The following RGS6 variants were observed in gnomAD, a reference collection of about 807,000 sequenced individuals.
RGS6 encodes the protein regulator of G protein signaling 6.
In RGS6, 30 loss-of-function variants were observed where a neutral mutation model predicts 78.5. The observed-to-expected ratio is 0.38, with a 90% CI of 0.29 to 0.52. The LOEUF is 0.52. RGS6 is among the 20% of genes least tolerant of loss of function. The pLI is 0.85. For missense variants in RGS6, 495 were observed against 609.7 expected (o/e 0.81, Z 1.98); for synonymous variants, 206 against 206.0 (o/e 1.00, Z 0.00).
intron 2 of RGS6, among the ~76,000 whole-genome samples, chr14:71,989,421 C>A (rs2094860021): frequency 6.6e-6 from 1 of 152,242 alleles, no homozygotes; most frequent in African/African-American, 2.4e-5. Context: ...ACTCTAATCA[C>A]TGAGTTATGG....
chr14:72,367,359 C>CAG (rs141643660), intron 3 of RGS6, among the ~76,000 whole-genome samples: 3,183 of 152,318 alleles, frequency 0.021, 54 homozygotes, highest in African/African-American at 0.048. Flanking sequence ...AAGACCCCTA[C>CAG]AGAGTGCTCT....
At chr14:72,591,255 C>A in the RGS6 span, among the ~76,000 whole-genome samples, 618 of 152,102 alleles carry the variant, frequency 4.1e-3, 6 homozygotes, top group African/African-American at 0.014. Context: ...TAAATGATAT[C>A]TGAAATGAAG....
At chr14:72,089,895 C>T (rs527255839) in intron 2 of RGS6, among the ~76,000 whole-genome samples, 4 of 152,246 alleles carry the variant, frequency 2.6e-5, no homozygotes, top group African/African-American at 9.6e-5. Context: ...CAATTGCCAT[C>T]CCTACACCAG....
intron 2 of RGS6, among the ~76,000 whole-genome samples, chr14:72,018,627 G>A (rs2087634094): frequency 1.3e-5 from 2 of 152,206 alleles, no homozygotes; most frequent in Non-Finnish European, 1.5e-5. Flanking sequence ...AGAAACATAC[G>A]AGTCTCTTTG....
At chr14:72,338,745 C>A (rs1444468938) in intron 2 of RGS6, among the ~76,000 whole-genome samples, 1 of 152,210 alleles carries the variant, frequency 6.6e-6, no homozygotes, top group African/African-American at 2.4e-5. Flanking sequence ...TCTCCAATCC[C>A]AGCTGCTGTC....
intron 2 of RGS6, among the ~76,000 whole-genome samples, chr14:72,039,331 G>A (rs4899421): frequency 0.13 from 19,182 of 152,106 alleles, 1,257 homozygotes; most frequent in East Asian, 0.17. Flanking sequence ...AGTCAACAGA[G>A]CTCAGTTTTA....
In RGS6 at chr14:72,458,261, G is replaced by C. The variant is rs768071964; in HGVS notation, c.236-10G>C. 2.2e-5 allele frequency: 35 copies of C among 1,605,488 alleles called. No homozygotes were observed. Among genetic ancestry groups the C allele is most frequent in the Non-Finnish European group, 3.0e-5 (35 of 1,172,616 alleles). ...CTAATTCCTTCTCTCTCTATGCACT[G>C]TTCTTACAGTTGAAGCAATACACTT... On this transcript the variant is annotated splice_polypyrimidine_tract_variant and intron_variant, in intron 4 of 17. Coordinates refer to ENST00000553525, the MANE Select transcript of RGS6 (RefSeq NM_001204424.2).
chr14:72,153,474 G>C (rs2096723532), intron 2 of RGS6, among the ~76,000 whole-genome samples: 1 of 152,224 alleles, frequency 6.6e-6, no homozygotes. Flanking sequence ...TTATCAGTGA[G>C]ATCCCTCATT....
chr14:71,972,031 G>A (rs1172991006), intron 2 of RGS6, among the ~76,000 whole-genome samples: 1 of 148,132 alleles, frequency 6.8e-6, no homozygotes, highest in African/African-American at 2.5e-5. Flanking sequence ...TATACTTTAA[G>A]TTCTAGGGTA....
At chr14:72,462,160 A>G (rs2153238711) in intron 6 of RGS6, among the ~76,000 whole-genome samples, 1 of 152,266 alleles carries the variant, frequency 6.6e-6, no homozygotes, top group East Asian at 1.9e-4. Context: ...GTCAAATTCT[A>G]TGTCAGAGAT....
At chr14:72,463,941 T>C (rs2153267242) in intron 6 of RGS6, among the ~76,000 whole-genome samples, 1 of 152,330 alleles carries the variant, frequency 6.6e-6, no homozygotes, top group South Asian at 2.1e-4. Context: ...TATGCACACC[T>C]TAAGCACCTC....
chr14:72,295,414 G>T (rs755310384), intron 2 of RGS6, among the ~76,000 whole-genome samples: 1 of 152,132 alleles, frequency 6.6e-6, no homozygotes, highest in African/African-American at 2.4e-5. Flanking sequence ...AGTGCCCTCA[G>T]TAACCCCCTC....
chr14:72,039,090 T>A (rs1267472633), intron 2 of RGS6, among the ~76,000 whole-genome samples: 1 of 152,204 alleles, frequency 6.6e-6, no homozygotes, highest in Non-Finnish European at 1.5e-5. Context: ...TTGTAGCAAA[T>A]CTACATTTTA....
intron 2 of RGS6, among the ~76,000 whole-genome samples, chr14:72,085,332 G>A (rs966016297): frequency 1.3e-5 from 2 of 152,144 alleles, no homozygotes; most frequent in African/African-American, 4.8e-5. Context: ...TTGTGGTCCA[G>A]CGAGGTTAAG....
intron 2 of RGS6, among the ~76,000 whole-genome samples, chr14:72,291,202 C>T (rs759324385): frequency 1.3e-5 from 2 of 151,924 alleles, no homozygotes; most frequent in Non-Finnish European, 2.9e-5. Flanking sequence ...TCTCTGCGTC[C>T]GTCTCCATCC....
chr14:72,159,106 A>T (rs1343950121), intron 2 of RGS6, among the ~76,000 whole-genome samples: 1 of 152,248 alleles, frequency 6.6e-6, no homozygotes, highest in Non-Finnish European at 1.5e-5. Context: ...CTATTTAACA[A>T]ACTACGAAGC....
intron 2 of RGS6, among the ~76,000 whole-genome samples, chr14:72,197,540 G>C (rs1291693396): frequency 6.6e-6 from 1 of 152,198 alleles, no homozygotes; most frequent in African/African-American, 2.4e-5. Context: ...TGGGTAGGGA[G>C]TACCAGAGAC....
At chr14:71,873,825 G>T in the RGS6 span, among the ~76,000 whole-genome samples, 4 of 152,144 alleles carry the variant, frequency 2.6e-5, no homozygotes, top group Non-Finnish European at 5.9e-5. Context: ...TGTTTAAGAT[G>T]TAAAGAAGGG....
intron 2 of RGS6, among the ~76,000 whole-genome samples, chr14:72,179,057 C>T (rs773567590): frequency 1.3e-5 from 2 of 152,128 alleles, no homozygotes; most frequent in Non-Finnish European, 2.9e-5. Flanking sequence ...ATAAAAATAA[C>T]CAGAAAATCA....
Sources: gnomAD v4.1 joint callset for allele counts (sites outside exome capture counted in the v4.1 genomes callset) on GRCh38, gnomAD v4.1.1 for gene constraint, MANE v1.5 for transcripts, NCBI Gene and HGNC (gene_info 2026-07-23, HGNC 2026-07-21) for gene names.